PCDHGA4: variants seen among roughly 807,000 people sequenced by gnomAD.
The protein encoded by PCDHGA4 is protocadherin gamma subfamily A, 4.
PCDHGA4 carries 38 observed loss-of-function variants against 54.6 expected under a neutral mutation model. The observed-to-expected ratio is 0.70, with a 90% confidence interval of 0.54 to 0.91. The LOEUF (loss-of-function observed/expected upper bound fraction) is 0.91, where lower values mean the gene tolerates loss of function less well. Among genes scored for constraint, PCDHGA4 ranks in the 40% least tolerant of loss-of-function variants. The pLI, the probability that PCDHGA4 is intolerant of heterozygous loss-of-function variation, is 0.00. For missense variants in PCDHGA4, 1,298 were observed against 1,220.9 expected, an observed-to-expected ratio of 1.06 and a Z score of -0.94; for synonymous variants, 511 against 512.9, an observed-to-expected ratio of 1.00 and a Z score of 0.05.
At chr5:141,361,235 C>T (rs1178694648) in intron 1 of PCDHGA4, 2 of 1,613,774 alleles carry the variant, frequency 1.2e-6, no homozygotes, top group African/African-American at 1.3e-5. Flanking sequence ...ACAGTGATCG[C>T]CTTGATAAAA....
intron 1 of PCDHGA4, chr5:141,393,048 C>T (rs745354934): frequency 1.2e-6 from 2 of 1,613,672 alleles, no homozygotes; most frequent in African/African-American, 1.3e-5. Context: ...TGCTCTGAAC[C>T]CGCGCAGCGG....
rs1168649993 is a variant in PCDHGA4, at chr5:141,432,243, C to G, written c.2515-62564C>G. On this transcript the variant is annotated intron_variant, in intron 1 of 3. Transcript: ENST00000571252. The surrounding 1 kb of genome is among the most constrained non-coding windows in gnomAD (Gnocchi z 6.0). ...ATCACTTATTCCCTGGCTGAGAACA[C>G]CATCCAAGGGGCAAGCCTATCGTCC... 1 of 1,614,244 alleles carries G rather than the reference C, an allele frequency of 6.2e-7. No individual in the cohort carries two copies. Among genetic ancestry groups the G allele is most frequent in the Non-Finnish European group, 8.5e-7 (1 of 1,180,050 alleles).
chr5:141,510,839 C>T (rs186647886), intron 3 of PCDHGA4, 108 bp from the exon 4 acceptor site: 36 of 1,586,990 alleles, frequency 2.3e-5, no homozygotes, highest in Non-Finnish European at 3.1e-5. Context: ...TCAGCGTGGT[C>T]AAGGCCCAGG....
In PCDHGA4 at chr5:141,375,962, C is replaced by A. The variant is rs763635174; in HGVS notation, c.2514+18341C>A. 4 of 1,613,344 alleles carry A rather than the reference C, an allele frequency of 2.5e-6. No homozygotes were observed. The South Asian group carries it at 3.3e-5, about 13-fold the overall frequency. On this transcript the variant is annotated intron_variant, in intron 1 of 3. Coordinates refer to ENST00000571252, the MANE Select transcript of PCDHGA4 (RefSeq NM_018917.4). Reference sequence around the variant, plus strand: ...AGTGGGCCTGCACACGGGCGAGGTGCGCACGGCGCGCGCCCTGCTGGACAG... The same window carrying A: ...AGTGGGCCTGCACACGGGCGAGGTGAGCACGGCGCGCGCCCTGCTGGACAG...
At chr5:141,405,407 CT>C (rs762612492) in intron 1 of PCDHGA4, 3 of 1,582,042 alleles carry the variant, frequency 1.9e-6, no homozygotes, top group South Asian at 1.1e-5. Context: ...TCTTTCTTTT[CT>C]TTTTTTGTTT....
intron 2 of PCDHGA4, among the ~76,000 whole-genome samples, chr5:141,497,501 C>T (rs1268186916): frequency 6.6e-6 from 1 of 151,182 alleles, no homozygotes; most frequent in Non-Finnish European, 1.5e-5. Flanking sequence ...TCTCTCCTCT[C>T]TCTGCTTCCT....
At chr5:141,374,177 C>T in intron 1 of PCDHGA4, 4 of 1,613,578 alleles carry the variant, frequency 2.5e-6, no homozygotes, top group Non-Finnish European at 3.4e-6. Context: ...AGCGCAGATC[C>T]GCTACTCTAT....
intron 1 of PCDHGA4, among the ~76,000 whole-genome samples, chr5:141,369,925 G>A (rs376465013): frequency 3.9e-5 from 6 of 152,186 alleles, no homozygotes; most frequent in Non-Finnish European, 4.4e-5. Flanking sequence ...AACTAAAAAC[G>A]TGACGGGATT....
At chr5:141,379,976 T>C (rs1459223613) in intron 1 of PCDHGA4, among the ~76,000 whole-genome samples, 1 of 140,200 alleles carries the variant, frequency 7.1e-6, no homozygotes, top group Admixed American at 8.2e-5. Flanking sequence ...CTCTGCTCAC[T>C]GCAACTTCCT....
intron 1 of PCDHGA4, chr5:141,385,278 A>G (rs776235211): frequency 7.4e-6 from 12 of 1,613,478 alleles, no homozygotes; most frequent in Non-Finnish European, 1.0e-5. Flanking sequence ...CTTTGCTAAC[A>G]TCCGTAGATT....
chr5:141,413,816 T>A (rs1422730893), intron 1 of PCDHGA4: 1 of 1,613,128 alleles, frequency 6.2e-7, no homozygotes, highest in Non-Finnish European at 8.5e-7. Flanking sequence ...ATTCACCACC[T>A]GGTCCTCACC....
intron 1 of PCDHGA4, chr5:141,372,378 C>T: frequency 6.2e-7 from 1 of 1,614,030 alleles, no homozygotes; most frequent in African/African-American, 1.3e-5. Context: ...CATGCTGCAC[C>T]TAATCTTCGC....
At chr5:141,409,933 GGT>G in intron 1 of PCDHGA4, 1 of 1,613,354 alleles carries the variant, frequency 6.2e-7, no homozygotes, top group East Asian at 2.2e-5. Flanking sequence ...TCTTCGATAT[GGT>G]ACCTCGCTCT....
intron 1 of PCDHGA4, among the ~76,000 whole-genome samples, chr5:141,464,454 A>G (rs999305559): frequency 6.6e-6 from 1 of 151,542 alleles, no homozygotes; most frequent in Non-Finnish European, 1.5e-5. Context: ...TGTTGTTGTT[A>G]TTTTTGAAGT....
rs759756007 is a variant in PCDHGA4 at position 141,476,248 on chromosome 5, T to C, written c.2515-18559T>C. 2 of 1,613,856 alleles carry C rather than the reference T, an allele frequency of 1.2e-6. No individual in the cohort carries two copies. Among genetic ancestry groups the C allele is most frequent in the South Asian group, 2.2e-5 (2 of 91,050 alleles). On this transcript the variant is annotated intron_variant, in intron 1 of 3. Transcript: ENST00000571252. The surrounding 1 kb of genome is among the most constrained non-coding windows in gnomAD (Gnocchi z 7.6). The stretch of plus-strand genomic sequence containing the variant: ...AGATCCCGGAGGAAAGAGAGAAGGG[T>C]TTCGCTGTGGGCAACGTGGTCGCGA...
rs749769645 is a variant in PCDHGA4, at chr5:141,376,049, G to A, written c.2514+18428G>A. On this transcript the variant is annotated intron_variant, in intron 1 of 3. Transcript: ENST00000571252. ...GGACCACGGCCAGCCCCCTCTCTCCGCCACTGTCACGCTCACCGTGGCCGT... is the reference window on the plus strand; with the variant it reads ...GGACCACGGCCAGCCCCCTCTCTCCACCACTGTCACGCTCACCGTGGCCGT... The A allele has an allele frequency of 1.9e-5, 31 of 1,613,116 alleles. No homozygotes were observed. The highest frequency in any genetic ancestry group is 2.2e-5 in the East Asian group (1 of 44,870).
chr5:141,420,492 TC>T (rs1172385190), intron 1 of PCDHGA4: 8 of 508,012 alleles, frequency 1.6e-5, no homozygotes, highest in Non-Finnish European at 1.8e-5. Flanking sequence ...ATGGGTAATC[TC>T]CGGTGACATT....
intron 1 of PCDHGA4, chr5:141,385,038 G>C (rs377185831): frequency 4.3e-6 from 7 of 1,614,138 alleles, no homozygotes; most frequent in Non-Finnish European, 5.9e-6. Flanking sequence ...TACTGCTGGC[G>C]CTCAGGCTGC....
At position 141,476,668 on chromosome 5, in the gene PCDHGA4, G is replaced by A; in HGVS notation, c.2515-18139G>A. The A allele has an allele frequency of 6.2e-7, 1 of 1,614,262 alleles. No individual in the cohort carries two copies. Among genetic ancestry groups the A allele is most frequent in the Non-Finnish European group, 8.5e-7 (1 of 1,180,054 alleles). On this transcript the variant is annotated intron_variant, in intron 1 of 3. Transcript: ENST00000571252. This position sits in a 1 kb window ranked among gnomAD's most constrained non-coding sequence, Gnocchi z 7.6. ...GAAATGAATACTTTGCGCTTCGCGT[G>A]CAGACGCGGGAGGACAGCACCAAGT...
Sources: gnomAD v4.1 joint callset for allele counts (sites outside exome capture counted in the v4.1 genomes callset) on GRCh38, gnomAD v4.1.1 for gene constraint, Gnocchi (gnomAD v3.1) non-coding constraint, MANE v1.5 for transcripts, NCBI Gene and HGNC (gene_info 2026-07-23, HGNC 2026-07-21) for gene names.